RANBP2: variants seen among roughly 807,000 people sequenced by gnomAD.
RANBP2 encodes the protein E3 SUMO-protein ligase RanBP2.
Under a neutral mutation model 303.6 loss-of-function variants are expected in RANBP2, and 57 were observed. The observed-to-expected ratio is 0.19, with a 90% CI of 0.15 to 0.23. The LOEUF (loss-of-function observed/expected upper bound fraction) is 0.23. RANBP2 is among the 10% of genes least tolerant of loss of function. The pLI is 1.00. For synonymous variants in RANBP2, 1,167 were observed against 1,301.5 expected (o/e 0.90, Z 2.23); for missense variants, 3,138 against 3,780.8 (o/e 0.83, Z 4.46).
the RANBP2 span, among the ~76,000 whole-genome samples, chr2:109,007,718 C>A: frequency 6.6e-6 from 1 of 152,160 alleles, no homozygotes; most frequent in Admixed American, 6.5e-5. Context: ...AAAGATAAAT[C>A]CCTGTTAGTA....
In RANBP2 at chr2:108,782,614, C is replaced by G. The variant is rs1192889319; in HGVS notation, c.9121C>G (p.Gln3041Glu). The change falls in exon 28 of 29, where the codon CAG becomes GAG. Residue 3041 changes from glutamine (Q) to glutamate (E), a missense_variant. Coordinates refer to ENST00000283195, the MANE Select transcript of RANBP2 (RefSeq NM_006267.5). ...DCFKKTFEEC[Q>E]QNLMKLQKGH... ...TTTCAAGAAAACATTTGAAGAATGT[C>G]AGCAGAATTTAATGAAACTCCAGAA... is the stretch of plus-strand genomic sequence containing the variant. 1 of 1,614,128 alleles carries G rather than the reference C, an allele frequency of 6.2e-7. No homozygotes were observed. Among genetic ancestry groups the G allele is most frequent in the South Asian group, 1.1e-5 (1 of 91,082 alleles).
chr2:109,092,875 G>A, the RANBP2 span, among the ~76,000 whole-genome samples: 1 of 152,210 alleles, frequency 6.6e-6, no homozygotes, highest in East Asian at 1.9e-4. Flanking sequence ...TTCTGTAATG[G>A]AGAGAGGAGT....
At chr2:109,012,527 C>T in the RANBP2 span, among the ~76,000 whole-genome samples, 2 of 152,184 alleles carry the variant, frequency 1.3e-5, no homozygotes, top group Non-Finnish European at 2.9e-5. Flanking sequence ...GTGGCCCCTC[C>T]GGCACTTCAC....
At chr2:109,331,544 G>T in the RANBP2 span, among the ~76,000 whole-genome samples, 1 of 152,110 alleles carries the variant, frequency 6.6e-6, no homozygotes, top group South Asian at 2.1e-4. Flanking sequence ...AACCCCCACC[G>T]CCTTCCAATC....
At chr2:109,210,040 C>T in the RANBP2 span, among the ~76,000 whole-genome samples, 1 of 152,160 alleles carries the variant, frequency 6.6e-6, no homozygotes, top group African/African-American at 2.4e-5. Context: ...TTCTAGGGAC[C>T]GCAGAGTCAA....
chr2:109,259,603 G>A, the RANBP2 span, among the ~76,000 whole-genome samples: 4 of 152,204 alleles, frequency 2.6e-5, no homozygotes, highest in Non-Finnish European at 5.9e-5. Flanking sequence ...ATGTTTGGGC[G>A]GCATGTTATT....
Position 108,763,446 on chromosome 2 carries a change from A to G in RANBP2, c.2907A>G (p.Thr969=). 1 of 1,614,094 alleles carries G rather than the reference A, an allele frequency of 6.2e-7. No individual in the cohort carries two copies. The change falls in exon 20 of 29, where the codon ACA becomes ACG. Residue 969 remains threonine, a synonymous_variant. Coordinates refer to ENST00000283195, the MANE Select transcript of RANBP2 (RefSeq NM_006267.5). ...ACTTTAATTACAATGTTCAACAGAC[A>G]AGCACAAATCCACCTTTGCCAGAAC... The part of the protein sequence containing the change: ...DDYFNYNVQQ[T]STNPPLPEPG...
the RANBP2 span, among the ~76,000 whole-genome samples, chr2:109,240,771 T>G: frequency 6.7e-6 from 1 of 148,842 alleles, no homozygotes; most frequent in Non-Finnish European, 1.5e-5. Flanking sequence ...CCTGTCGTCC[T>G]TCTCCTCTCT....
the RANBP2 span, among the ~76,000 whole-genome samples, chr2:109,285,626 C>A: frequency 1.3e-5 from 2 of 152,158 alleles, no homozygotes; most frequent in African/African-American, 2.4e-5. Flanking sequence ...CTGTGGGGAG[C>A]CTAACCTGTC....
chr2:109,085,542 A>G, the RANBP2 span, among the ~76,000 whole-genome samples: 1 of 149,810 alleles, frequency 6.7e-6, no homozygotes, highest in Non-Finnish European at 1.5e-5. Context: ...TGACCTCGTG[A>G]TCCGCCTGCC....
chr2:108,838,522 G>T, the RANBP2 span, among the ~76,000 whole-genome samples: 1 of 152,050 alleles, frequency 6.6e-6, no homozygotes, highest in Non-Finnish European at 1.5e-5. Context: ...TCTTAGGCTG[G>T]TATCTCAGAA....
the RANBP2 span, among the ~76,000 whole-genome samples, chr2:109,562,364 C>A: frequency 1.3e-5 from 2 of 151,952 alleles, no homozygotes; most frequent in South Asian, 2.1e-4. Context: ...CTCCCCACTT[C>A]CACCTGCCCC....
chr2:109,170,261 TCTC>T, the RANBP2 span, among the ~76,000 whole-genome samples: 4 of 55,190 alleles, frequency 7.2e-5, no homozygotes, highest in African/African-American at 2.1e-4. Flanking sequence ...TCTCTTCTCT[TCTC>T]TTCTCTTCTC....
chr2:108,860,012 T>C, the RANBP2 span, among the ~76,000 whole-genome samples: 2 of 152,186 alleles, frequency 1.3e-5, no homozygotes, highest in African/African-American at 4.8e-5. Flanking sequence ...TGTAGAGATA[T>C]TTCACCTTCC....
At chr2:109,765,380 CTCTT>C in the RANBP2 span, among the ~76,000 whole-genome samples, 2 of 149,376 alleles carry the variant, frequency 1.3e-5, no homozygotes, top group South Asian at 4.3e-4. Flanking sequence ...CTCTTTCTTT[CTCTT>C]TCTTTTTTTT....
chr2:109,397,937 G>A, the RANBP2 span, among the ~76,000 whole-genome samples: 3,925 of 152,322 alleles, frequency 0.026, 174 homozygotes, highest in African/African-American at 0.083. Flanking sequence ...GTGGGAAGGA[G>A]TCGTGTCCTG....
the RANBP2 span, among the ~76,000 whole-genome samples, chr2:109,438,886 G>A: frequency 2.0e-5 from 3 of 152,138 alleles, no homozygotes; most frequent in African/African-American, 7.2e-5. Context: ...GGTCCCTTCT[G>A]GTTATAAACA....
chr2:108,753,037 A>G lies in RANBP2; in HGVS notation c.1795A>G (p.Ile599Val). The G allele has an allele frequency of 1.9e-6, 3 of 1,609,858 alleles. No individual in the cohort carries two copies. The highest frequency in any genetic ancestry group is 2.3e-4 in the Middle Eastern group (1 of 4,418). The change falls in exon 13 of 29, where the codon ATA becomes GTA. Residue 599 changes from isoleucine (I) to valine (V), a missense_variant. Ile to Val is a conservative substitution (Grantham distance 29). This residue lies in a region of RANBP2 where 162 missense variants were observed against 286.9 expected (regional missense o/e 0.56). Coordinates refer to ENST00000283195, the MANE Select transcript of RANBP2 (RefSeq NM_006267.5). ...LNSFYDQREY[I>V]GRSVHYWKKV... ...TTCTTTTTATGATCAACGAGAATAC[A>G]TAGGGAGAAGTGTTCATTATTGGAA...
At chr2:109,546,220 C>T in the RANBP2 span, 3 of 1,556,308 alleles carry the variant, frequency 1.9e-6, no homozygotes, top group African/African-American at 2.8e-5. Context: ...TCTTAAGGTG[C>T]TCAAATTTGG....
Sources: allele counts gnomAD v4.1 joint callset (sites outside exome capture counted in the v4.1 genomes callset), GRCh38; gene constraint gnomAD v4.1.1; regional missense constraint gnomAD v4.1.1; transcripts MANE v1.5; gene names NCBI Gene and HGNC (gene_info 2026-07-23, HGNC 2026-07-21).